MGAT4C: variants seen among roughly 807,000 people sequenced by gnomAD.
MGAT4C encodes the protein alpha-1,3-mannosyl-glycoprotein 4-beta-N-acetylglucosaminyltransferase C.
In MGAT4C, 19 loss-of-function variants were observed where a neutral mutation model predicts 40.1. That is an observed-to-expected ratio of 0.47 (90% CI 0.33 to 0.70). MGAT4C has a LOEUF of 0.70. Ranked by LOEUF, MGAT4C falls within the 30% of genes least tolerant of loss-of-function variation. The probability of loss-of-function intolerance (pLI) is 0.02; values close to 1 mark genes in which losing one functional copy is unlikely to be tolerated. For missense variants in MGAT4C, 491 were observed against 563.2 expected (o/e 0.87, Z 1.30); for synonymous variants, 181 against 187.1 (o/e 0.97, Z 0.27).
At chr12:86,188,860 G>A (rs1484372176) in intron 1 of MGAT4C, among the ~76,000 whole-genome samples, 2 of 151,822 alleles carry the variant, frequency 1.3e-5, no homozygotes, top group African/African-American at 4.8e-5. Context: ...CCTATGATAA[G>A]TTATTGATAT....
intron 2 of MGAT4C, among the ~76,000 whole-genome samples, chr12:86,005,532 T>C (rs1292548441): frequency 5.3e-5 from 8 of 152,118 alleles, no homozygotes; most frequent in African/African-American, 1.9e-4. Context: ...CCAATAATAA[T>C]TGGCTTCTAG....
intron 1 of MGAT4C, among the ~76,000 whole-genome samples, chr12:86,754,599 T>A (rs962097500): frequency 1.3e-5 from 2 of 152,078 alleles, no homozygotes; most frequent in Non-Finnish European, 2.9e-5. Context: ...AGAAGAGATA[T>A]TTTTCCCTGA....
At chr12:86,368,504 C>CT (rs1164508849) in intron 3 of MGAT4C, among the ~76,000 whole-genome samples, 4 of 151,028 alleles carry the variant, frequency 2.6e-5, no homozygotes, top group Admixed American at 2.6e-4. Flanking sequence ...GGTCTTTTGT[C>CT]TTTTTTTAAT....
At chr12:86,384,100 C>T (rs1050112466) in intron 3 of MGAT4C, among the ~76,000 whole-genome samples, 2 of 152,168 alleles carry the variant, frequency 1.3e-5, no homozygotes, top group African/African-American at 2.4e-5. Context: ...CCATGTGAGA[C>T]GTGTCTTTTA....
At chr12:86,784,904 G>A (rs79071032) in intron 1 of MGAT4C, among the ~76,000 whole-genome samples, 3,353 of 152,084 alleles carry the variant, frequency 0.022, 52 homozygotes, top group Non-Finnish European at 0.033. Context: ...GGAAATGATT[G>A]TAGGGAGCTT....
chr12:86,421,080 G>A (rs1475015520), intron 3 of MGAT4C, among the ~76,000 whole-genome samples: 2 of 151,886 alleles, frequency 1.3e-5, no homozygotes, highest in African/African-American at 2.4e-5. Context: ...AATGTCAGTA[G>A]GAATTTGAGT....
chr12:86,136,002 G>C (rs1163191319), intron 1 of MGAT4C, among the ~76,000 whole-genome samples: 1 of 152,076 alleles, frequency 6.6e-6, no homozygotes, highest in African/African-American at 2.4e-5. Flanking sequence ...TGTAGTTTTG[G>C]TTTCTTCAGA....
At chr12:86,696,226 G>A (rs954355650) in intron 2 of MGAT4C, among the ~76,000 whole-genome samples, 1 of 151,010 alleles carries the variant, frequency 6.6e-6, no homozygotes, top group African/African-American at 2.4e-5. Context: ...AAAAAAAAAA[G>A]TATAATTGGA....
intron 1 of MGAT4C, among the ~76,000 whole-genome samples, chr12:86,074,435 G>A (rs1869262223): frequency 6.6e-6 from 1 of 152,064 alleles, no homozygotes; most frequent in South Asian, 2.1e-4. Flanking sequence ...TTACTGAATA[G>A]TATATCTTAA....
At chr12:86,243,399 G>T (rs975478585) in intron 1 of MGAT4C, among the ~76,000 whole-genome samples, 4 of 152,196 alleles carry the variant, frequency 2.6e-5, no homozygotes, top group Non-Finnish European at 5.9e-5. Context: ...GACCCTCAAT[G>T]ATTCACATTC....
intron 1 of MGAT4C, among the ~76,000 whole-genome samples, chr12:86,827,153 C>T (rs919479173): frequency 6.6e-6 from 1 of 151,336 alleles, no homozygotes; most frequent in Non-Finnish European, 1.5e-5. Flanking sequence ...GATCCCCCAT[C>T]TAAAATCATT....
At chr12:86,110,040 A>C (rs929911232) in intron 1 of MGAT4C, among the ~76,000 whole-genome samples, 1 of 150,996 alleles carries the variant, frequency 6.6e-6, no homozygotes, top group Non-Finnish European at 1.5e-5. Context: ...GGCCCTGTAA[A>C]AGTTATAACT....
chr12:86,819,733 CTT>C (rs1355230711), intron 1 of MGAT4C, among the ~76,000 whole-genome samples: 13 of 150,640 alleles, frequency 8.6e-5, no homozygotes, highest in Admixed American at 3.3e-4. Flanking sequence ...GCAGGACTAA[CTT>C]AGAGTTAATT....
At chr12:86,012,892 G>A (rs1888645870) in intron 2 of MGAT4C, among the ~76,000 whole-genome samples, 1 of 151,854 alleles carries the variant, frequency 6.6e-6, no homozygotes, top group Admixed American at 6.6e-5. Flanking sequence ...GGGAGGCTGA[G>A]TTGGGAGGAT....
chr12:86,097,302 T>C (rs746060988), intron 1 of MGAT4C, among the ~76,000 whole-genome samples: 3 of 151,638 alleles, frequency 2.0e-5, no homozygotes, highest in Middle Eastern at 3.2e-3. Context: ...AAATAACATA[T>C]GTTAACTTTT....
chr12:86,486,016 C>T, intron 2 of MGAT4C, among the ~76,000 whole-genome samples: 1 of 152,040 alleles, frequency 6.6e-6, no homozygotes, highest in East Asian at 1.9e-4. Flanking sequence ...CCTTCTCAGA[C>T]AAGCAAACAT....
intron 3 of MGAT4C, among the ~76,000 whole-genome samples, chr12:86,368,456 G>T (rs1955649368): frequency 6.7e-6 from 1 of 148,178 alleles, no homozygotes; most frequent in South Asian, 2.1e-4. Flanking sequence ...TTTTATTTTT[G>T]TGTTTCTTTG....
intron 1 of MGAT4C, among the ~76,000 whole-genome samples, chr12:86,807,156 G>A (rs1952372327): frequency 6.6e-6 from 1 of 151,780 alleles, no homozygotes; most frequent in Non-Finnish European, 1.5e-5. Context: ...ACATGTGCAG[G>A]ATGTGCAGGT....
intron 2 of MGAT4C, among the ~76,000 whole-genome samples, chr12:86,559,807 A>T (rs1669821108): frequency 6.6e-6 from 1 of 151,978 alleles, no homozygotes; most frequent in African/African-American, 2.4e-5. Context: ...TATCAGAGCA[A>T]AACTAAATTA....
Sources: allele counts gnomAD v4.1 joint callset (sites outside exome capture counted in the v4.1 genomes callset), GRCh38; gene constraint gnomAD v4.1.1; transcripts MANE v1.5; gene names NCBI Gene and HGNC (gene_info 2026-07-23, HGNC 2026-07-21).